Variants in FABP12 observed in about 807,000 individuals in gnomAD.
FABP12 encodes fatty acid binding protein 12.
A neutral mutation model predicts 13.7 loss-of-function variants in FABP12; 19 were observed. The ratio of observed to expected loss-of-function variants is 1.39; its 90% CI spans 0.97 to 2.04. The LOEUF (loss-of-function observed/expected upper bound fraction) is 2.04. Among genes scored for constraint, FABP12 ranks in the 30% most tolerant of loss-of-function variants. FABP12 has a pLI of 0.00. For synonymous variants in FABP12, 61 were observed against 57.0 expected, an observed-to-expected ratio of 1.07 and a Z score of -0.32; for missense variants, 182 against 164.2, an observed-to-expected ratio of 1.11 and a Z score of -0.59.
intron 1 of FABP12, among the ~76,000 whole-genome samples, chr8:81,577,041 A>G (rs1314181556): frequency 6.6e-6 from 1 of 152,232 alleles, no homozygotes; most frequent in African/African-American, 2.4e-5. Flanking sequence ...AGGGTCTATC[A>G]TACTTTTAAA....
chr8:81,540,441 T>C (rs1210067176), intron 1 of FABP12, among the ~76,000 whole-genome samples: 1 of 152,232 alleles, frequency 6.6e-6, no homozygotes, highest in Admixed American at 6.5e-5. Flanking sequence ...TAGGATGCAA[T>C]GAGAAGGCAT....
At chr8:81,551,644 A>T (rs1809524672) in intron 1 of FABP12, among the ~76,000 whole-genome samples, 1 of 152,194 alleles carries the variant, frequency 6.6e-6, no homozygotes, top group Non-Finnish European at 1.5e-5. Flanking sequence ...AGCTCAAGAG[A>T]CACTTAAACC....
At chr8:81,573,083 T>C (rs1051216589) in intron 1 of FABP12, among the ~76,000 whole-genome samples, 1 of 152,230 alleles carries the variant, frequency 6.6e-6, no homozygotes, top group African/African-American at 2.4e-5. Flanking sequence ...TAGCTTCAGG[T>C]CTTAGATTTA....
chr8:81,584,586 AC>A (rs58982779), intron 1 of FABP12, among the ~76,000 whole-genome samples: 144,802 of 152,272 alleles, frequency 0.95, 68,898 homozygotes, highest in East Asian at 1. Context: ...TCCCACCCTG[AC>A]CCAATCCCCT....
intron 1 of FABP12, among the ~76,000 whole-genome samples, chr8:81,558,494 G>A (rs557937783): frequency 1.0e-3 from 158 of 152,184 alleles, no homozygotes; most frequent in African/African-American, 3.7e-3. Flanking sequence ...CCAGGCTGCC[G>A]CAGTCCCTGA....
At chr8:81,539,966 T>C (rs1219084188) in intron 1 of FABP12, among the ~76,000 whole-genome samples, 4 of 152,206 alleles carry the variant, frequency 2.6e-5, no homozygotes, top group Non-Finnish European at 1.5e-5. Context: ...AAGCCTGACT[T>C]GCATTTGTAA....
intron 1 of FABP12, among the ~76,000 whole-genome samples, chr8:81,582,227 A>G (rs1272084532): frequency 4.9e-5 from 7 of 143,386 alleles, no homozygotes; most frequent in African/African-American, 1.8e-4. Flanking sequence ...GGTTCAAGTG[A>G]TTATTTTGCC....
At chr8:81,535,439 G>A (rs185706507), upstream of FABP12, among the ~76,000 whole-genome samples, 30 of 152,292 alleles carry the variant, frequency 2.0e-4, no homozygotes, top group African/African-American at 7.0e-4. Context: ...ATTAGAAAAT[G>A]AGAAAGGTGG....
intron 1 of FABP12, among the ~76,000 whole-genome samples, chr8:81,584,255 G>A (rs960599160): frequency 2.6e-5 from 4 of 152,200 alleles, no homozygotes; most frequent in Non-Finnish European, 4.4e-5. Flanking sequence ...TGTCAAAGGC[G>A]TGGTGTTAGA....
At chr8:81,589,768 G>A (rs2130119064) in intron 1 of FABP12, among the ~76,000 whole-genome samples, 1 of 152,296 alleles carries the variant, frequency 6.6e-6, no homozygotes, top group African/African-American at 2.4e-5. Context: ...TTTCCCCTCT[G>A]TGCAGGCAGG....
At chr8:81,551,793 C>G (rs569717709) in intron 1 of FABP12, among the ~76,000 whole-genome samples, 3 of 152,112 alleles carry the variant, frequency 2.0e-5, no homozygotes, top group African/African-American at 7.2e-5. Flanking sequence ...TCATGCTGGA[C>G]CCCTAGTGAC....
intron 1 of FABP12, among the ~76,000 whole-genome samples, chr8:81,548,092 G>A (rs148505262): frequency 3.0e-4 from 46 of 152,252 alleles, no homozygotes; most frequent in Non-Finnish European, 6.0e-4. Flanking sequence ...CAGTAACTGT[G>A]ATTCTCAGTC....
chr8:81,527,677 T>G (rs959331251), intron 3 of FABP12, among the ~76,000 whole-genome samples: 2 of 152,190 alleles, frequency 1.3e-5, no homozygotes, highest in Non-Finnish European at 2.9e-5. Context: ...ATGTTCTTTT[T>G]ATCTTTGACT....
intron 3 of FABP12, among the ~76,000 whole-genome samples, chr8:81,528,090 T>G (rs1808956488): frequency 1.3e-5 from 2 of 152,198 alleles, no homozygotes; most frequent in South Asian, 4.1e-4. Flanking sequence ...TTGTTGTTGT[T>G]GTTTTTGGAG....
intron 1 of FABP12, among the ~76,000 whole-genome samples, chr8:81,573,066 A>G: frequency 6.6e-6 from 1 of 152,150 alleles, no homozygotes; most frequent in East Asian, 1.9e-4. Flanking sequence ...ATCTTCTAGA[A>G]TTTTTATAGC....
intron 2 of FABP12, among the ~76,000 whole-genome samples, chr8:81,530,954 C>T (rs1809057367): frequency 6.6e-6 from 1 of 152,042 alleles, no homozygotes; most frequent in Non-Finnish European, 1.5e-5. Flanking sequence ...CAAACATTTA[C>T]AAAATAATCA....
chr8:81,571,570 T>C (rs933739191), intron 1 of FABP12, among the ~76,000 whole-genome samples: 2 of 152,256 alleles, frequency 1.3e-5, no homozygotes, highest in Admixed American at 6.5e-5. Flanking sequence ...TTATTTTATG[T>C]GAGGAAGGAT....
intron 3 of FABP12, 42 bp downstream of exon 3, chr8:81,529,396 C>T (rs756913197): frequency 1.3e-6 from 2 of 1,595,436 alleles, no homozygotes; most frequent in Admixed American, 1.7e-5. Context: ...ATCTGACTAA[C>T]ATTCTTTTGA....
At position 81,532,520 on chromosome 8, in the gene FABP12, T is replaced by C. The variant is rs1427913539; in HGVS notation, c.-75-1130A>G. On this transcript the variant is annotated intron_variant, in intron 1 of 4. Transcript: ENST00000360464. ...TACTGATTAAATGTTCCAGATATGG[T>C]TGGTAAAGATACTATAGTTTGGCCA... is the stretch of plus-strand genomic sequence containing the variant. Among the ~76,000 whole-genome samples, 3 of 152,152 alleles carry C rather than the reference T, an allele frequency of 2.0e-5. No individual in the cohort carries two copies. In the East Asian group the frequency reaches 5.8e-4, roughly 29 times the overall value.
Sources: gnomAD v4.1 joint callset for allele counts (sites outside exome capture counted in the v4.1 genomes callset) on GRCh38, gnomAD v4.1.1 for gene constraint, MANE v1.5 for transcripts, NCBI Gene and HGNC (gene_info 2026-07-23, HGNC 2026-07-21) for gene names.